The following NOC2L variants were observed in gnomAD, a reference collection of about 807,000 sequenced individuals.
NOC2L encodes nucleolar complex protein 2 homolog.
NOC2L carries 101 observed loss-of-function variants against 94.2 expected under a neutral mutation model. The ratio of observed to expected loss-of-function variants is 1.07; its 90% CI spans 0.91 to 1.26. NOC2L has a LOEUF of 1.26. Ranked by LOEUF, NOC2L falls within the 50% of genes most tolerant of loss-of-function variation. The pLI, the probability that NOC2L is intolerant of heterozygous loss-of-function variation, is 0.00. For missense variants in NOC2L, 1,076 were observed against 980.1 expected (o/e 1.10, Z -1.31); for synonymous variants, 531 against 413.4 (o/e 1.28, Z -3.45).
In NOC2L at chr1:945,363, G is replaced by A. The variant is rs1372807754; in HGVS notation, c.2053+155C>T. ...TTCACTTCAAGGAGGGAAGGCGCTG[G>A]CACCAGAAGCCTGGCAACACTGAGG... On this transcript the variant is annotated intron_variant, in intron 17 of 18. Coordinates refer to ENST00000327044, the MANE Select transcript of NOC2L (RefSeq NM_015658.4). The A allele has an allele frequency of 5.9e-6, 6 of 1,024,854 alleles. No homozygotes were observed. In the African/African-American group the frequency reaches 8.1e-5, roughly 14 times the overall value. The allele number at this position is 1,024,854 out of a possible 1,614,324, so 63.5% of individuals were successfully genotyped here. A position where few individuals can be genotyped will look rare whatever the true frequency, so the allele number is the denominator to read the frequency against.
chr1:945,137 C>T lies in NOC2L; in HGVS notation c.2063G>A (p.Arg688Lys), dbSNP rs1309451038. The change falls in exon 18 of 19, where the codon AGG becomes AAG. Residue 688 changes from arginine (R) to lysine (K), a missense_variant. By Grantham distance (26) the Arg-to-Lys change is conservative. Transcript: ENST00000327044. ...CACCCCATGCCGAGTGCTCAGGGGC[C>T]TCAGTATCCCTGAGGAACAAGAAGC... ...TEGFSERGIL[R>K]PLSTRHGVED... 5.0e-6 allele frequency: 8 copies of T among 1,606,706 alleles called. No individual in the cohort carries two copies. The highest frequency in any genetic ancestry group is 5.1e-6 in the Non-Finnish European group (6 of 1,176,418).
chr1:955,865 C>T, intron 6 of NOC2L, 58 bp downstream of exon 6: 1 of 1,432,200 alleles, frequency 7.0e-7, no homozygotes, highest in Non-Finnish European at 9.8e-7. Context: ...CTGGCTTCTC[C>T]TGTGTGTGGT....
chr1:957,559 T>G lies in NOC2L; in HGVS notation c.180-286A>C, dbSNP rs956425520. 23 of 413,814 alleles carry G rather than the reference T, an allele frequency of 5.6e-5. No individual in the cohort carries two copies. In the Admixed American group the frequency reaches 6.8e-4, roughly 12 times the overall value. The allele number at this position is 413,814 out of a possible 1,614,324, so 25.6% of individuals were successfully genotyped here. ...CGGTCTTCCCTGGACTTGCTGTGCC[T>G]GTGCCCTGCGCTACTTTTGCCTGAT... On this transcript the variant is annotated intron_variant, in intron 2 of 18. Coordinates refer to ENST00000327044, the MANE Select transcript of NOC2L (RefSeq NM_015658.4).
rs1451220809 is a variant in NOC2L at position 956,153 on chromosome 1, G to A, written c.549C>T (p.Thr183=). 2.5e-6 allele frequency: 4 copies of A among 1,614,000 alleles called. No homozygotes were observed. The highest frequency in any genetic ancestry group is 3.4e-6 in the Non-Finnish European group (4 of 1,180,022). ...CAGCACTTTCCTGGTCCCCTCGGGT[G>A]GTGGCCACAGCTGCTCGGAACGCCT... ...VVQAFRAAVA[T]TRGDQESAEA... is the part of the protein sequence containing the mutation. The change falls in exon 5 of 19, where the codon ACC becomes ACT. Residue 183 remains threonine, a synonymous_variant. Coordinates refer to ENST00000327044, the MANE Select transcript of NOC2L (RefSeq NM_015658.4).
rs908647668 is a variant in NOC2L at position 948,313 on chromosome 1, G to A, written c.1558-81C>T. On this transcript the variant is annotated intron_variant, in intron 13 of 18. Coordinates refer to ENST00000327044, the MANE Select transcript of NOC2L (RefSeq NM_015658.4). ...CAGGCCCCTTCCCCTCAGGCTGTCA[G>A]GGCAGCGCCATCTCCAGGGCACGGA... The A allele has an allele frequency of 1.8e-5, 22 of 1,257,026 alleles. 1 individual carries two copies. The highest frequency in any genetic ancestry group is 3.9e-4 in the Middle Eastern group (2 of 5,174). 77.9% of individuals were successfully genotyped at this position (1,257,026 alleles called of 1,614,324 possible).
At chr1:953,638 G>A (rs1006449316) in intron 8 of NOC2L, 144 bp downstream of exon 8, 2 of 660,620 alleles carry the variant, frequency 3.0e-6, no homozygotes, top group East Asian at 2.7e-5. Flanking sequence ...GTGGGGGCCA[G>A]GTGCTTCTGT....
chr1:956,988 TCTC>T lies in NOC2L; in HGVS notation c.389_391del (p.Gly130del). 6.2e-7 allele frequency: 1 copy of T among 1,614,068 alleles called. No homozygotes were observed. The highest frequency in any genetic ancestry group is 8.5e-7 in the Non-Finnish European group (1 of 1,180,014). Reference sequence around the variant, plus strand: ...CCCTCTGGGGACTCTGTCCCCATCTTCTCCTTCCTCCGCTCCATCCTCCTCCTC... The same window carrying T: ...CCCTCTGGGGACTCTGTCCCCATCTTCTTCCTCCGCTCCATCCTCCTCCTC... On this transcript the variant is annotated inframe_deletion, in exon 4 of 19. Coordinates refer to ENST00000327044, the MANE Select transcript of NOC2L (RefSeq NM_015658.4).
At chr1:957,668 T>C (rs181005739) in intron 2 of NOC2L, 35 of 200,884 alleles carry the variant, frequency 1.7e-4, no homozygotes, top group African/African-American at 8.0e-4. Context: ...TCAGATCTCA[T>C]CAGCAACACC....
At chr1:947,387 C>G (rs1642142817) in intron 14 of NOC2L, among the ~76,000 whole-genome samples, 1 of 152,114 alleles carries the variant, frequency 6.6e-6, no homozygotes, top group Non-Finnish European at 1.5e-5. Flanking sequence ...AGTACACACA[C>G]ATGCACACAC....
chr1:948,621 T>C lies in NOC2L; in HGVS notation c.1444-18A>G. ...TGGAACATCTGCCCCAAGGGCCGTG[T>C]CAGGCTCTCTCGGCCCCATGCCTGG... On this transcript the variant is annotated intron_variant, in intron 12 of 18. Transcript: ENST00000327044. 1 of 1,165,720 alleles carries C rather than the reference T, an allele frequency of 8.6e-7. No homozygotes were observed. The highest frequency in any genetic ancestry group is 1.1e-6 in the Non-Finnish European group (1 of 912,638). The allele number at this position is 1,165,720 out of a possible 1,614,324, so 72.2% of individuals were successfully genotyped here. A position where few individuals can be genotyped will look rare whatever the true frequency, so the allele number is the denominator to read the frequency against.
intron 2 of NOC2L, chr1:958,515 GC>G (rs1642479580): frequency 3.5e-5 from 13 of 372,662 alleles, no homozygotes; most frequent in South Asian, 2.6e-4. Context: ...CTCCCAAAGT[GC>G]TGGCATTACA....
At chr1:950,284 CAT>C (rs1642218813) in intron 12 of NOC2L, among the ~76,000 whole-genome samples, 1 of 152,062 alleles carries the variant, frequency 6.6e-6, no homozygotes, top group East Asian at 1.9e-4. Context: ...TGTGTATGCA[CAT>C]AGGTGCACAC....
At position 957,561 on chromosome 1, in the gene NOC2L, T is replaced by C. The variant is rs527396759; in HGVS notation, c.180-288A>G. 170 of 401,734 alleles carry C rather than the reference T, an allele frequency of 4.2e-4. 1 individual carries two copies. The highest frequency in any genetic ancestry group is 3.1e-3 in the African/African-American group (157 of 50,216). The allele number at this position is 401,734 out of a possible 1,614,324, so 24.9% of individuals were successfully genotyped here. On this transcript the variant is annotated intron_variant, in intron 2 of 18. Transcript: ENST00000327044. ...GTCTTCCCTGGACTTGCTGTGCCTG[T>C]GCCCTGCGCTACTTTTGCCTGATGG...
At chr1:951,742 G>A (rs555508504) in intron 11 of NOC2L, among the ~76,000 whole-genome samples, 3 of 152,368 alleles carry the variant, frequency 2.0e-5, no homozygotes, top group Non-Finnish European at 4.4e-5. Context: ...CAAGCCCCCA[G>A]AACACACGCT....
At chr1:950,227 A>G (rs1438326551) in intron 12 of NOC2L, among the ~76,000 whole-genome samples, 1 of 150,546 alleles carries the variant, frequency 6.6e-6, no homozygotes, top group Non-Finnish European at 1.5e-5. Flanking sequence ...CACGCACAGT[A>G]CACACATGCA....
At chr1:952,702 G>T in intron 9 of NOC2L, 102 bp from the exon 10 acceptor site, 1 of 1,184,286 alleles carries the variant, frequency 8.4e-7, no homozygotes. Context: ...CCTCAGAGCT[G>T]GGCCTCGAGG....
In NOC2L at chr1:945,072, T is replaced by C. The variant is rs748106765; in HGVS notation, c.2128A>G (p.Ser710Gly). The change falls in exon 18 of 19, where the codon AGC becomes GGC. Residue 710 changes from serine (S) to glycine (G), a missense_variant. Ser to Gly is a moderately conservative substitution (Grantham distance 56). Coordinates refer to ENST00000327044, the MANE Select transcript of NOC2L (RefSeq NM_015658.4). Reference protein sequence around the residue: ...EEDEEEGEEDSSNSEDGDPDA... With the variant: ...EEDEEEGEEDGSNSEDGDPDA... The stretch of plus-strand genomic sequence containing the variant: ...GACCATTCACCCTCCGAGTTGCTGC[T>C]GTCCTCCTCGCCCTCCTCCTCGTCC... 6.2e-6 allele frequency: 10 copies of C among 1,614,054 alleles called. No individual in the cohort carries two copies. The highest frequency in any genetic ancestry group is 3.3e-4 in the Middle Eastern group (2 of 6,062).
chr1:947,605 A>C (rs1187362199), intron 14 of NOC2L, among the ~76,000 whole-genome samples: 1 of 152,158 alleles, frequency 6.6e-6, no homozygotes, highest in Non-Finnish European at 1.5e-5. Context: ...GCCCAGAAGG[A>C]CCTTCTGAGG....
rs766979537 is a variant in NOC2L, at chr1:956,944, A to T, written c.436T>A (p.Ser146Thr). 1 of 1,613,914 alleles carries T rather than the reference A, an allele frequency of 6.2e-7. No individual in the cohort carries two copies. Among genetic ancestry groups the T allele is most frequent in the Non-Finnish European group, 8.5e-7 (1 of 1,180,026 alleles). ...VPRGLKGKKN[S>T]VPVTVAMVER... Reference sequence around the variant, plus strand: ...ACCATGGCGACGGTCACAGGAACAGAATTCTTCTTCCCCTTCAGCCCTCTG... The same window carrying T: ...ACCATGGCGACGGTCACAGGAACAGTATTCTTCTTCCCCTTCAGCCCTCTG... Residue 146 changes from serine to threonine, a missense_variant, in exon 4 of 19, where the codon TCT becomes ACT. Coordinates refer to ENST00000327044, the MANE Select transcript of NOC2L (RefSeq NM_015658.4).
Sources: gnomAD v4.1 joint callset for allele counts (sites outside exome capture counted in the v4.1 genomes callset) on GRCh38, gnomAD v4.1.1 for gene constraint, MANE v1.5 for transcripts, NCBI Gene and HGNC (gene_info 2026-07-23, HGNC 2026-07-21) for gene names.